MYO5B: variants seen among roughly 807,000 people sequenced by gnomAD.
MYO5B encodes the protein unconventional myosin-Vb.
Under a neutral mutation model 229.3 loss-of-function variants are expected in MYO5B, and 143 were observed. That is an observed-to-expected ratio of 0.62 (90% CI 0.54 to 0.72). The LOEUF (loss-of-function observed/expected upper bound fraction) is 0.72. MYO5B is among the 30% of genes least tolerant of loss of function. MYO5B has a pLI of 0.00. For synonymous variants in MYO5B, 918 were observed against 885.2 expected, an observed-to-expected ratio of 1.04 and a Z score of -0.66; for missense variants, 2,321 against 2,331.0, an observed-to-expected ratio of 1.00 and a Z score of 0.09.
At chr18:50,014,613 C>T (rs1158310402) in intron 4 of MYO5B, among the ~76,000 whole-genome samples, 1 of 152,190 alleles carries the variant, frequency 6.6e-6, no homozygotes, top group African/African-American at 2.4e-5. Context: ...ACTCTCCTTA[C>T]AGATCTGTCA....
intron 18 of MYO5B, among the ~76,000 whole-genome samples, chr18:49,909,424 C>T (rs1364657651): frequency 6.6e-6 from 1 of 152,206 alleles, no homozygotes; most frequent in East Asian, 1.9e-4. Flanking sequence ...CAATTTATAT[C>T]AGCTTTCTGT....
intron 1 of MYO5B, among the ~76,000 whole-genome samples, chr18:50,061,737 C>T (rs1279989312): frequency 6.6e-6 from 1 of 152,170 alleles, no homozygotes; most frequent in Non-Finnish European, 1.5e-5. Context: ...GTGATGAATG[C>T]ACTGTCAGAA....
intron 1 of MYO5B, among the ~76,000 whole-genome samples, chr18:50,160,222 G>A (rs2032744825): frequency 6.6e-6 from 1 of 152,242 alleles, no homozygotes; most frequent in African/African-American, 2.4e-5. Context: ...GAGGGTAGCT[G>A]CTCTCTCGAA....
intron 21 of MYO5B, 30 bp from the exon 22 acceptor site, chr18:49,895,204 G>A: frequency 6.4e-7 from 1 of 1,571,582 alleles, no homozygotes; most frequent in Non-Finnish European, 8.8e-7. Flanking sequence ...ACAAGGAGAA[G>A]GGAGAAGAAG....
chr18:50,172,908 G>C (rs1374199310), intron 1 of MYO5B, among the ~76,000 whole-genome samples: 1 of 152,252 alleles, frequency 6.6e-6, no homozygotes, highest in African/African-American at 2.4e-5. Context: ...GAACATCTAT[G>C]AACTAGGAGT....
In MYO5B at chr18:50,157,378, A is replaced by G. The variant is rs1315280807; in HGVS notation, c.27+37389T>C. Among the ~76,000 whole-genome samples the G allele has an allele frequency of 2.0e-5, 3 of 152,168 alleles. 1 individual carries two copies. In the South Asian group the frequency reaches 6.2e-4, roughly 32 times the overall value. On this transcript the variant is annotated intron_variant, in intron 1 of 39. Coordinates refer to ENST00000285039, the MANE Select transcript of MYO5B (RefSeq NM_001080467.3). ...ACCTCGGCCTGGATATCCTTTGAAT[A>G]TGGGATAAAATCTAAAATTCTAACC...
intron 17 of MYO5B, among the ~76,000 whole-genome samples, chr18:49,916,355 C>A (rs1202432535): frequency 1.3e-5 from 2 of 152,204 alleles, no homozygotes; most frequent in African/African-American, 4.8e-5. Flanking sequence ...GGCTCTGATG[C>A]CGGCCGGCAG....
At chr18:50,082,099 C>G (rs1310554817) in intron 1 of MYO5B, among the ~76,000 whole-genome samples, 1 of 152,186 alleles carries the variant, frequency 6.6e-6, no homozygotes, top group Non-Finnish European at 1.5e-5. Flanking sequence ...GAGGAAATGT[C>G]TTTTTATCAT....
chr18:49,990,732 T>A lies in MYO5B; in HGVS notation c.757-212A>T, dbSNP rs143246812. On this transcript the variant is annotated intron_variant, in intron 6 of 39. Transcript: ENST00000285039. ...CTTCCAACCTGAGGATTTATATGTC[T>A]TGAATTATGCAAAAGCATGTATGTA... Among the ~76,000 whole-genome samples, 390 of 152,354 alleles carry A rather than the reference T, an allele frequency of 2.6e-3. 11 individuals are homozygous for A. The highest frequency in any genetic ancestry group is 0.022 in the Admixed American group (343 of 15,304).
intron 1 of MYO5B, among the ~76,000 whole-genome samples, chr18:50,151,962 G>C (rs1199766737): frequency 6.6e-6 from 1 of 152,158 alleles, no homozygotes; most frequent in Admixed American, 6.5e-5. Flanking sequence ...CTACATCCTG[G>C]GGGAACATCC....
rs2032889121 is a variant in MYO5B at position 50,168,752 on chromosome 18, T to C, written c.27+26015A>G. Among the ~76,000 whole-genome samples the C allele has an allele frequency of 1.6e-5, 2 of 127,556 alleles. 1 individual carries two copies. Among genetic ancestry groups the C allele is most frequent in the South Asian group, 5.4e-4 (2 of 3,686 alleles). 83.7% of individuals were successfully genotyped at this position (127,556 alleles called of 152,430 possible). ...CCAAAACACTCAGACTTTAATTTTT[T>C]AGTAATTTTTTAAAAGATGACATAT... On this transcript the variant is annotated intron_variant, in intron 1 of 39. Coordinates refer to ENST00000285039, the MANE Select transcript of MYO5B (RefSeq NM_001080467.3).
In MYO5B at chr18:50,055,375, T is replaced by G. The variant is rs2144417753; in HGVS notation, c.31A>C (p.Thr11Pro). Residue 11 changes from threonine (T) to proline (P), a missense_variant, in exon 2 of 40, where the codon ACA becomes CCA. This residue lies in a region of MYO5B where 2,113 missense variants were observed against 2,044.7 expected (regional missense o/e 1.03). Transcript: ENST00000285039. MSVGELYSQC[T>P]RVWIPDPDEV... The stretch of plus-strand genomic sequence containing the variant: ...TCAGGGTCAGGGATCCAGACCCTTG[T>G]GCACTGAAAGATTAAAACAGAAGAA... The G allele has an allele frequency of 1.9e-6, 3 of 1,613,134 alleles. No homozygotes were observed. The highest frequency in any genetic ancestry group is 2.5e-6 in the Non-Finnish European group (3 of 1,179,272).
intron 27 of MYO5B, among the ~76,000 whole-genome samples, chr18:49,866,318 C>A (rs1283002375): frequency 6.6e-6 from 1 of 152,116 alleles, no homozygotes; most frequent in Non-Finnish European, 1.5e-5. Flanking sequence ...ATCCGCCCAC[C>A]TCGGCCTCCC....
intron 39 of MYO5B, 150 bp downstream of exon 39, chr18:49,835,194 A>C (rs770982628): frequency 3.1e-6 from 2 of 651,064 alleles, no homozygotes; most frequent in Non-Finnish European, 5.5e-6. Context: ...GTTCATGTTT[A>C]CCTAAGTAGA....
At chr18:49,938,851 A>T (rs936245629) in intron 14 of MYO5B, among the ~76,000 whole-genome samples, 5 of 152,176 alleles carry the variant, frequency 3.3e-5, no homozygotes, top group African/African-American at 1.2e-4. Context: ...CCCTCTCTCA[A>T]GGTTGAGCCC....
At chr18:50,033,637 T>G (rs181048758) in intron 4 of MYO5B, among the ~76,000 whole-genome samples, 1 of 152,288 alleles carries the variant, frequency 6.6e-6, no homozygotes, top group East Asian at 1.9e-4. Context: ...GTGGGCCTTC[T>G]GGGTCTCAGA....
At chr18:49,979,756 A>G (rs1196870383) in intron 9 of MYO5B, among the ~76,000 whole-genome samples, 3 of 152,202 alleles carry the variant, frequency 2.0e-5, no homozygotes, top group Admixed American at 6.5e-5. Flanking sequence ...AGATTCACCT[A>G]TCCAAGGTTA....
chr18:50,001,407 CAT>C lies in MYO5B; in HGVS notation c.458_459del (p.Asp153GlyfsTer36). Reference sequence around the variant, plus strand: ...CTGACTATGATGGACTGATTCTTCTCATCTCTGGAAGGAAAAAAGCTCTGATA... The same window carrying C: ...CTGACTATGATGGACTGATTCTTCTCCTCTGGAAGGAAAAAAGCTCTGATA... The part of the protein sequence containing the change: ...AEEAYKQMAR[D>X]EKNQSIIVSG... On this transcript the variant is annotated frameshift_variant and splice_region_variant, in exon 5 of 40. Coordinates refer to ENST00000285039, the MANE Select transcript of MYO5B (RefSeq NM_001080467.3). LOFTEE classifies it high-confidence loss of function. 2 of 1,614,146 alleles carry C rather than the reference CAT, an allele frequency of 1.2e-6. No individual in the cohort carries two copies. The highest frequency in any genetic ancestry group is 1.7e-6 in the Non-Finnish European group (2 of 1,179,982).
chr18:49,865,081 C>G, intron 27 of MYO5B, among the ~76,000 whole-genome samples: 1 of 152,152 alleles, frequency 6.6e-6, no homozygotes, highest in East Asian at 1.9e-4. Context: ...GCCGGCAGGA[C>G]CCTGGGATAC....
Sources: gnomAD v4.1 joint callset for allele counts (sites outside exome capture counted in the v4.1 genomes callset) on GRCh38, gnomAD v4.1.1 for gene constraint, gnomAD v4.1.1 regional missense constraint, MANE v1.5 for transcripts, NCBI Gene and HGNC (gene_info 2026-07-23, HGNC 2026-07-21) for gene names.